BICC1: variants seen among roughly 807,000 people sequenced by gnomAD.
BICC1 encodes the protein protein bicaudal C homolog 1.
In BICC1, 43 loss-of-function variants were observed where a neutral mutation model predicts 111.0. The observed-to-expected ratio is 0.39, with a 90% CI of 0.30 to 0.50. BICC1 has a LOEUF of 0.50. Among genes scored for constraint, BICC1 ranks in the 20% least tolerant of loss-of-function variants. BICC1 has a pLI of 0.88. For synonymous variants in BICC1, 467 were observed against 434.4 expected, an observed-to-expected ratio of 1.07 and a Z score of -0.93; for missense variants, 1,091 against 1,203.2, an observed-to-expected ratio of 0.91 and a Z score of 1.38.
chr10:58,712,199 C>T (rs1294494083), intron 3 of BICC1, among the ~76,000 whole-genome samples: 1 of 151,986 alleles, frequency 6.6e-6, no homozygotes, highest in African/African-American at 2.4e-5. Flanking sequence ...ACTGACAACA[C>T]CAAATGCTGG....
At chr10:58,614,387 T>C (rs1215295304) in intron 1 of BICC1, among the ~76,000 whole-genome samples, 1 of 152,180 alleles carries the variant, frequency 6.6e-6, no homozygotes, top group East Asian at 1.9e-4. Context: ...ATTTATGGGC[T>C]TGGGAAATGG....
intron 1 of BICC1, among the ~76,000 whole-genome samples, chr10:58,529,291 G>C (rs1842621826): frequency 6.6e-6 from 1 of 151,868 alleles, no homozygotes; most frequent in African/African-American, 2.4e-5. Context: ...TTGCAGGGCA[G>C]GAAAATGTAA....
chr10:58,696,017 C>T (rs1840054556), intron 2 of BICC1, among the ~76,000 whole-genome samples: 1 of 152,086 alleles, frequency 6.6e-6, no homozygotes, highest in African/African-American at 2.4e-5. Flanking sequence ...CAATAGCTTA[C>T]AGACTTTCTT....
At chr10:58,747,557 T>C (rs533655362) in intron 3 of BICC1, among the ~76,000 whole-genome samples, 4 of 152,292 alleles carry the variant, frequency 2.6e-5, no homozygotes, top group African/African-American at 9.6e-5. Flanking sequence ...TGATGTGGAA[T>C]GATTAAATCA....
chr10:58,715,151 A>T (rs1840699158), intron 3 of BICC1, among the ~76,000 whole-genome samples: 1 of 152,126 alleles, frequency 6.6e-6, no homozygotes, highest in South Asian at 2.1e-4. Flanking sequence ...TTATGCCATT[A>T]AAGTGTGGCT....
intron 3 of BICC1, among the ~76,000 whole-genome samples, chr10:58,772,757 T>C (rs754312333): frequency 3.3e-5 from 5 of 152,148 alleles, no homozygotes; most frequent in Admixed American, 1.3e-4. Flanking sequence ...CACCCCTCAG[T>C]TGGAAGCAAA....
At chr10:58,558,986 T>A (rs1377068571) in intron 1 of BICC1, among the ~76,000 whole-genome samples, 1 of 152,144 alleles carries the variant, frequency 6.6e-6, no homozygotes, top group African/African-American at 2.4e-5. Flanking sequence ...GTTTCAAAAA[T>A]GAATTTTGAG....
chr10:58,554,280 A>G (rs1344688477), intron 1 of BICC1, among the ~76,000 whole-genome samples: 1 of 152,146 alleles, frequency 6.6e-6, no homozygotes, highest in Non-Finnish European at 1.5e-5. Flanking sequence ...GAGCTCTATT[A>G]GCTTATCTGT....
intron 1 of BICC1, among the ~76,000 whole-genome samples, chr10:58,551,597 C>T (rs1255601993): frequency 6.6e-6 from 1 of 152,194 alleles, no homozygotes; most frequent in African/African-American, 2.4e-5. Context: ...ACTTACTTTT[C>T]TTGTCTGTGT....
At chr10:58,710,191 G>T (rs976035620) in intron 3 of BICC1, among the ~76,000 whole-genome samples, 1 of 152,104 alleles carries the variant, frequency 6.6e-6, no homozygotes, top group African/African-American at 2.4e-5. Context: ...GCCAGTAAAG[G>T]TAGGTTAGTT....
At chr10:58,772,972 AG>A (rs1842659974) in intron 3 of BICC1, among the ~76,000 whole-genome samples, 1 of 152,234 alleles carries the variant, frequency 6.6e-6, no homozygotes, top group African/African-American at 2.4e-5. Flanking sequence ...AGGTCCTATA[AG>A]CATTACAACA....
intron 3 of BICC1, among the ~76,000 whole-genome samples, chr10:58,722,022 A>T (rs1291681533): frequency 6.6e-6 from 1 of 152,250 alleles, no homozygotes; most frequent in Non-Finnish European, 1.5e-5. Flanking sequence ...TGAAATATTT[A>T]CTTGACAGTA....
intron 2 of BICC1, among the ~76,000 whole-genome samples, chr10:58,640,646 T>C (rs1026282291): frequency 6.6e-6 from 1 of 152,192 alleles, no homozygotes; most frequent in Non-Finnish European, 1.5e-5. Context: ...CCCACTAGTG[T>C]GTGGCAGGTA....
chr10:58,529,551 T>A (rs1341857003), intron 1 of BICC1, among the ~76,000 whole-genome samples: 1 of 151,942 alleles, frequency 6.6e-6, no homozygotes, highest in Non-Finnish European at 1.5e-5. Flanking sequence ...AGATTTTATC[T>A]TTTTTAGTTA....
chr10:58,814,217 G>A (rs1285896823), intron 18 of BICC1: 1 of 624,142 alleles, frequency 1.6e-6, no homozygotes, highest in African/African-American at 1.8e-5. Flanking sequence ...CATACCAAAG[G>A]GCAATTATTT....
At chr10:58,784,648 C>T (rs927021956) in intron 3 of BICC1, among the ~76,000 whole-genome samples, 4 of 151,552 alleles carry the variant, frequency 2.6e-5, no homozygotes, top group East Asian at 2.0e-4. Context: ...TAGAACAGGG[C>T]GGAGACTTGT....
chr10:58,548,773 A>G lies in BICC1; in HGVS notation c.190+35440A>G, dbSNP rs1843208578. 4.6e-5 allele frequency among the ~76,000 whole-genome samples: 7 copies of G among 152,148 alleles called. No individual in the cohort carries two copies. The South Asian group carries it at 1.4e-3, about 32-fold the overall frequency. On this transcript the variant is annotated intron_variant, in intron 1 of 20. Coordinates refer to ENST00000373886, the MANE Select transcript of BICC1 (RefSeq NM_001080512.3). ...CAACATCATATTTATGTATATGCAT[A>G]TAAGAGTTATCTATGTTGTTGTGTT...
chr10:58,722,874 T>C (rs528548829), intron 3 of BICC1, among the ~76,000 whole-genome samples: 1 of 150,954 alleles, frequency 6.6e-6, no homozygotes, highest in Non-Finnish European at 1.5e-5. Flanking sequence ...AGATTGACAA[T>C]AGAGGAAATT....
chr10:58,705,600 A>ATAGT (rs1250705307), intron 3 of BICC1, among the ~76,000 whole-genome samples: 1 of 152,198 alleles, frequency 6.6e-6, no homozygotes, highest in African/African-American at 2.4e-5. Context: ...TAGATGGAAT[A>ATAGT]TAGTAGGGGC....
Sources: allele counts gnomAD v4.1 joint callset (sites outside exome capture counted in the v4.1 genomes callset), GRCh38; gene constraint gnomAD v4.1.1; transcripts MANE v1.5; gene names NCBI Gene and HGNC (gene_info 2026-07-23, HGNC 2026-07-21).